The following GNA15 variants were observed in gnomAD, a reference collection of about 807,000 sequenced individuals.
GNA15 encodes the protein G protein subunit alpha 15.
In GNA15, 23 loss-of-function variants were observed where a neutral mutation model predicts 40.1. The observed-to-expected ratio is 0.57, with a 90% CI of 0.41 to 0.81. GNA15 has a LOEUF of 0.81. Ranked by LOEUF, GNA15 falls within the 40% of genes least tolerant of loss-of-function variation. The probability of loss-of-function intolerance (pLI) is 0.00; values close to 1 mark genes in which losing one functional copy is unlikely to be tolerated. For missense variants in GNA15, 522 were observed against 515.8 expected (o/e 1.01, Z -0.12); for synonymous variants, 226 against 210.4 (o/e 1.07, Z -0.64).
At chr19:3,149,232 TAC>T (rs2144851991) in intron 2 of GNA15, 2 of 167,188 alleles carry the variant, frequency 1.2e-5, no homozygotes, top group South Asian at 2.6e-4. Flanking sequence ...CATGCACGTG[TAC>T]ACACTCACAA....
At chr19:3,156,458 GCA>G (rs1030782922) in intron 5 of GNA15, among the ~76,000 whole-genome samples, 16 of 146,182 alleles carry the variant, frequency 1.1e-4, no homozygotes, top group African/African-American at 4.2e-4. Flanking sequence ...ACATGCACAC[GCA>G]CACACAGGCA....
At position 3,148,666 on chromosome 19, in the gene GNA15, A is replaced by T; in HGVS notation, c.221A>T (p.Glu74Val). The T allele has an allele frequency of 6.3e-7, 1 of 1,592,718 alleles. No homozygotes were observed. The highest frequency in any genetic ancestry group is 8.5e-7 in the Non-Finnish European group (1 of 1,169,912). ...IIHGAGYSEE[E>V]RKGFRPLVYQ... Reference sequence around the variant, plus strand: ...CACGGCGCCGGCTACTCGGAGGAGGAGCGCAAGGGCTTCCGGCCCCTGGTC... The same window carrying T: ...CACGGCGCCGGCTACTCGGAGGAGGTGCGCAAGGGCTTCCGGCCCCTGGTC... The change falls in exon 2 of 7, where the codon GAG becomes GTG. Residue 74 changes from glutamate (E) to valine (V), a missense_variant. By Grantham distance (121) the Glu-to-Val change is moderately radical. Transcript: ENST00000262958.
In GNA15 at chr19:3,150,148, C is replaced by A; in HGVS notation, c.348C>A (p.Val116=). The change falls in exon 3 of 7, where the codon GTC becomes GTA. Residue 116 remains valine (V), a synonymous_variant. Transcript: ENST00000262958. ...CTCCCCAGCACCACGCTAGCCTGGT[C>A]ATGAGCCAGGACCCCTATAAAGTGA... ...RPESKHHASL[V]MSQDPYKVTT... is the part of the protein sequence containing the mutation. The A allele has an allele frequency of 6.2e-7, 1 of 1,613,312 alleles. No homozygotes were observed. Among genetic ancestry groups the A allele is most frequent in the South Asian group, 1.1e-5 (1 of 91,052 alleles).
chr19:3,149,033 A>ACC, intron 2 of GNA15: 1 of 437,082 alleles, frequency 2.3e-6, no homozygotes, highest in South Asian at 2.7e-5. Context: ...GCACACAAGG[A>ACC]CACACACGTA....
At chr19:3,158,803 C>T (rs11882112) in intron 6 of GNA15, among the ~76,000 whole-genome samples, 26,438 of 151,624 alleles carry the variant, frequency 0.17, 2,472 homozygotes, top group African/African-American at 0.19. Context: ...TAGTAGTTTC[C>T]TGTCCTATTT....
chr19:3,148,249 C>T (rs1333749740), intron 1 of GNA15, among the ~76,000 whole-genome samples: 2 of 152,036 alleles, frequency 1.3e-5, no homozygotes, highest in South Asian at 2.1e-4. Context: ...CCACCACACC[C>T]GGCTAATTTT....
At chr19:3,144,589 C>T (rs528021127) in intron 1 of GNA15, among the ~76,000 whole-genome samples, 3 of 151,614 alleles carry the variant, frequency 2.0e-5, no homozygotes, top group Non-Finnish European at 4.4e-5. Context: ...AGTGCAGTGG[C>T]ATGATCTCGG....
rs1025511092 is a variant in GNA15, at chr19:3,155,989, G to A, written c.744+37G>A. 6.2e-7 allele frequency: 1 copy of A among 1,603,800 alleles called. No individual in the cohort carries two copies. The highest frequency in any genetic ancestry group is 1.3e-5 in the African/African-American group (1 of 74,696). ...CCTCCCTCGCCCTGCCCACTTGTTG[G>A]CCCAGGGACCCTCACCTGAGCAGGA... On this transcript the variant is annotated intron_variant, in intron 5 of 6. Coordinates refer to ENST00000262958, the MANE Select transcript of GNA15 (RefSeq NM_002068.4). This position sits in a 1 kb window ranked among gnomAD's most constrained non-coding sequence, Gnocchi z 5.6.
chr19:3,138,188 A>G (rs939986835), intron 1 of GNA15, among the ~76,000 whole-genome samples: 15 of 151,640 alleles, frequency 9.9e-5, no homozygotes, highest in Middle Eastern at 3.4e-3. Flanking sequence ...ATCGCTTGAA[A>G]CCAGGAGGTG....
At chr19:3,146,442 C>A (rs958400384) in intron 1 of GNA15, 4 of 152,182 alleles carry the variant, frequency 2.6e-5, no homozygotes, top group African/African-American at 9.7e-5. Flanking sequence ...TATCCCGGAC[C>A]CAGGGCCGGT....
rs1914985477 is a variant in GNA15 at position 3,155,310 on chromosome 19, G to C, written c.615-513G>C. 6.5e-6 allele frequency: 1 copy of C among 153,604 alleles called. No homozygotes were observed. The highest frequency in any genetic ancestry group is 2.0e-4 in the South Asian group (1 of 4,968). The allele number at this position is 153,604 out of a possible 1,614,324, so 9.5% of individuals were successfully genotyped here. ...AGAAGAGAGAGAACAGGAAGGTGGG[G>C]GCAGGGTTCAGGCTTTTGTTACGGT... On this transcript the variant is annotated intron_variant, in intron 4 of 6. Coordinates refer to ENST00000262958, the MANE Select transcript of GNA15 (RefSeq NM_002068.4). This position sits in a 1 kb window ranked among gnomAD's most constrained non-coding sequence, Gnocchi z 5.6.
intron 1 of GNA15, among the ~76,000 whole-genome samples, chr19:3,138,446 G>A (rs1914501726): frequency 6.6e-6 from 1 of 152,104 alleles, no homozygotes; most frequent in Admixed American, 6.6e-5. Context: ...CAAGTCTTCT[G>A]GACTCGCGTT....
chr19:3,143,414 G>A (rs906403746), intron 1 of GNA15, among the ~76,000 whole-genome samples: 2 of 152,306 alleles, frequency 1.3e-5, no homozygotes, highest in East Asian at 3.9e-4. Context: ...TACTTTGGGA[G>A]GCCAAGGCAA....
Position 3,160,249 on chromosome 19 carries a change from C to G in GNA15, c.898+2368C>G, listed in dbSNP as rs528260149. Reference sequence around the variant, plus strand: ...TTGGTGCTCTTGGCACTCTTGGCCTCTCTCTCTGTGTCTCTCCCTGCCTCC... The same window carrying G: ...TTGGTGCTCTTGGCACTCTTGGCCTGTCTCTCTGTGTCTCTCCCTGCCTCC... On this transcript the variant is annotated intron_variant, in intron 6 of 6. Coordinates refer to ENST00000262958, the MANE Select transcript of GNA15 (RefSeq NM_002068.4). Among the ~76,000 whole-genome samples the G allele has an allele frequency of 1.9e-3, 203 of 107,488 alleles. 2 individuals carry two copies. The highest frequency in any genetic ancestry group is 5.3e-3 in the African/African-American group (197 of 37,104). The allele number at this position is 107,488 out of a possible 152,430, so 70.5% of individuals were successfully genotyped here. A position where few individuals can be genotyped will look rare whatever the true frequency, so the allele number is the denominator to read the frequency against.
chr19:3,145,356 TATA>T (rs1278812986), intron 1 of GNA15, among the ~76,000 whole-genome samples: 13 of 37,680 alleles, frequency 3.5e-4, no homozygotes, highest in African/African-American at 1.1e-3. Flanking sequence ...TATATATATA[TATA>T]TTTTTTTTTT....
chr19:3,158,025 C>T, intron 6 of GNA15, 144 bp downstream of exon 6: 1 of 656,842 alleles, frequency 1.5e-6, no homozygotes, highest in South Asian at 1.8e-5. Context: ...GCTCCATCCA[C>T]TGCCCGACCT....
intron 6 of GNA15, among the ~76,000 whole-genome samples, chr19:3,161,422 G>C (rs1056303330): frequency 5.3e-5 from 8 of 152,186 alleles, no homozygotes; most frequent in Non-Finnish European, 8.8e-5. Context: ...TCCACAATCA[G>C]TAAACATAAA....
At position 3,151,868 on chromosome 19, in the gene GNA15, C is replaced by T. The variant is rs371186848; in HGVS notation, c.614+33C>T. 2.8e-5 allele frequency: 43 copies of T among 1,524,066 alleles called. No homozygotes were observed. The Middle Eastern group carries it at 6.9e-4, about 25-fold the overall frequency. 94.4% of individuals were successfully genotyped at this position (1,524,066 alleles called of 1,614,324 possible). A position where few individuals can be genotyped will look rare whatever the true frequency, so the allele number is the denominator to read the frequency against. On this transcript the variant is annotated intron_variant, in intron 4 of 6. Transcript: ENST00000262958. The surrounding 1 kb of genome is among the most constrained non-coding windows in gnomAD (Gnocchi z 5.0). The stretch of plus-strand genomic sequence containing the variant: ...CTCCACCTAGGCCCAGCCTAGGGGG[C>T]AGGGAAGGCTTCCTGTAGGAAGGGC...
At chr19:3,145,361 T>TATATATATA (rs57906685) in intron 1 of GNA15, among the ~76,000 whole-genome samples, 13 of 28,204 alleles carry the variant, frequency 4.6e-4, no homozygotes, top group African/African-American at 2.3e-3. Flanking sequence ...ATATATATAT[T>TATATATATA]TTTTTTTTTT....
Sources: allele counts gnomAD v4.1 joint callset (sites outside exome capture counted in the v4.1 genomes callset), GRCh38; gene constraint gnomAD v4.1.1; non-coding constraint Gnocchi (gnomAD v3.1); transcripts MANE v1.5; gene names NCBI Gene and HGNC (gene_info 2026-07-23, HGNC 2026-07-21).